The following RBFOX2 variants were observed in gnomAD, a reference collection of about 807,000 sequenced individuals.
The protein encoded by RBFOX2 is RNA binding protein fox-1 homolog 2.
In RBFOX2, 10 loss-of-function variants were observed where a neutral mutation model predicts 49.1. The observed-to-expected ratio is 0.20, with a 90% CI of 0.13 to 0.35. RBFOX2 has a LOEUF of 0.35. Among genes scored for constraint, RBFOX2 ranks in the 10% least tolerant of loss-of-function variants. The probability of loss-of-function intolerance (pLI) is 1.00; values close to 1 mark genes in which losing one functional copy is unlikely to be tolerated. For synonymous variants in RBFOX2, 183 were observed against 187.4 expected (o/e 0.98, Z 0.19); for missense variants, 323 against 486.9 (o/e 0.66, Z 3.17).
chr22:36,028,196 C>G (rs1176640528), intron 1 of RBFOX2, 44 bp downstream of exon 1: 6 of 1,429,444 alleles, frequency 4.2e-6, no homozygotes, highest in Non-Finnish European at 5.5e-6. Context: ...TCGACCCTCA[C>G]GCCCACCCCC....
intron 1 of RBFOX2, among the ~76,000 whole-genome samples, chr22:35,874,991 A>G (rs1336655563): frequency 6.6e-6 from 1 of 152,196 alleles, no homozygotes; most frequent in Admixed American, 6.5e-5. Flanking sequence ...AAGAGACACC[A>G]GAGAGCTTGC....
At chr22:36,003,181 C>T (rs922903663) in intron 1 of RBFOX2, among the ~76,000 whole-genome samples, 1 of 152,190 alleles carries the variant, frequency 6.6e-6, no homozygotes, top group Non-Finnish European at 1.5e-5. Context: ...CTTTCACATC[C>T]TGATATTAAC....
At chr22:35,835,270 G>A (rs1957450354) in intron 1 of RBFOX2, among the ~76,000 whole-genome samples, 1 of 152,172 alleles carries the variant, frequency 6.6e-6, no homozygotes, top group African/African-American at 2.4e-5. Flanking sequence ...ATCCCGGAGA[G>A]GAATGGTATA....
chr22:35,835,226 C>T (rs896198113), intron 1 of RBFOX2, among the ~76,000 whole-genome samples: 11 of 151,998 alleles, frequency 7.2e-5, no homozygotes, highest in African/African-American at 2.4e-4. Flanking sequence ...ATTATGACTT[C>T]GGAAGGGAAC....
intron 1 of RBFOX2, 82 bp from the exon 3 acceptor site, chr22:35,810,086 T>C: frequency 7.4e-7 from 1 of 1,358,256 alleles, no homozygotes; most frequent in Non-Finnish European, 1.0e-6. Context: ...TATGGAATTC[T>C]CTGAATATTC....
chr22:36,001,753 T>A (rs1229330177), intron 1 of RBFOX2, among the ~76,000 whole-genome samples: 1 of 151,068 alleles, frequency 6.6e-6, no homozygotes, highest in Non-Finnish European at 1.5e-5. Flanking sequence ...CAGGGCAAGA[T>A]CCTGTCTTAA....
chr22:35,867,461 A>G (rs561236814), intron 1 of RBFOX2, among the ~76,000 whole-genome samples: 1 of 152,334 alleles, frequency 6.6e-6, no homozygotes, highest in East Asian at 1.9e-4. Context: ...TTACCAAATC[A>G]TTGTATGGGC....
intron 2 of RBFOX2, among the ~76,000 whole-genome samples, chr22:35,803,180 ATGCCCAT>A (rs1950092149): frequency 6.6e-6 from 1 of 151,720 alleles, no homozygotes; most frequent in Non-Finnish European, 1.5e-5. Context: ...ACACACACAC[ATGCCCAT>A]CACAGAAAAA....
At chr22:35,856,882 A>C (rs1438800668) in intron 1 of RBFOX2, among the ~76,000 whole-genome samples, 1 of 152,112 alleles carries the variant, frequency 6.6e-6, no homozygotes, top group Admixed American at 6.5e-5. Flanking sequence ...AATACAAAAA[A>C]TTAGCCAGGC....
chr22:35,744,828 G>C (rs5750174), intron 11 of RBFOX2, among the ~76,000 whole-genome samples: 9,268 of 152,234 alleles, frequency 0.061, 352 homozygotes, highest in South Asian at 0.091. Flanking sequence ...TACATATCTA[G>C]CTGGGGTTTT....
At chr22:35,771,663 C>T (rs1942706652) in intron 4 of RBFOX2, among the ~76,000 whole-genome samples, 1 of 152,162 alleles carries the variant, frequency 6.6e-6, no homozygotes, top group African/African-American at 2.4e-5. Flanking sequence ...ACTTTTCTCT[C>T]ATGTTTAAAC....
exon 12 of RBFOX2, chr22:35,741,037 T>C (rs1479058110): frequency 1.3e-5 from 2 of 152,238 alleles, no homozygotes; most frequent in Non-Finnish European, 2.9e-5. Context: ...TTGGCTCAAT[T>C]CAGACTGTGG....
At chr22:36,027,512 TA>T (rs1176967611) in intron 1 of RBFOX2, among the ~76,000 whole-genome samples, 2 of 152,274 alleles carry the variant, frequency 1.3e-5, no homozygotes, top group African/African-American at 4.8e-5. Context: ...AATAGCCCTA[TA>T]AAAAAATTTT....
exon 12 of RBFOX2, chr22:35,743,770 C>A (rs1931071212): frequency 6.5e-6 from 1 of 154,456 alleles, no homozygotes; most frequent in African/African-American, 2.4e-5. Flanking sequence ...TTCTGCTTGT[C>A]CCCCAGTCAT....
intron 2 of RBFOX2, among the ~76,000 whole-genome samples, chr22:35,793,271 G>A (rs1019396881): frequency 2.0e-5 from 3 of 152,206 alleles, no homozygotes; most frequent in African/African-American, 7.2e-5. Context: ...CTACTTGGAG[G>A]CTGAGGCAGG....
In RBFOX2 at chr22:35,767,157, C is replaced by A. The variant is rs1340745860; in HGVS notation, c.546+1100G>T. On this transcript the variant is annotated intron_variant, in intron 5 of 11. Coordinates refer to ENST00000405409, the Ensembl canonical transcript of RBFOX2. ...AAGTCAGTAATCAAACAGCTCAGACCGCTACAAAACAATATGTACATCCAA... is the reference window on the plus strand; with the variant it reads ...AAGTCAGTAATCAAACAGCTCAGACAGCTACAAAACAATATGTACATCCAA... Among the ~76,000 whole-genome samples, 3 of 151,910 alleles carry A rather than the reference C, an allele frequency of 2.0e-5. No individual in the cohort carries two copies. In the East Asian group the frequency reaches 5.8e-4, roughly 29 times the overall value.
rs187036477 is a variant in RBFOX2, at chr22:35,886,426, T to C, written c.-34+52421A>G. Among the ~76,000 whole-genome samples the C allele has an allele frequency of 2.0e-5, 3 of 152,350 alleles. No homozygotes were observed. In the East Asian group the frequency reaches 5.8e-4, roughly 29 times the overall value. Reference sequence around the variant, plus strand: ...TGGATTACAACTTTTAAAAGCAATATAGTCATGTGCTGCTTAATGCCAGGC... The same window carrying C: ...TGGATTACAACTTTTAAAAGCAATACAGTCATGTGCTGCTTAATGCCAGGC... On this transcript the variant is annotated intron_variant, in intron 1 of 13. Coordinates refer to the RBFOX2 transcript ENST00000359369.
chr22:35,854,513 A>G (rs1312676489), intron 1 of RBFOX2, among the ~76,000 whole-genome samples: 1 of 152,032 alleles, frequency 6.6e-6, no homozygotes, highest in Non-Finnish European at 1.5e-5. Flanking sequence ...AGAATCACAT[A>G]AACCCAGGAG....
At chr22:35,744,373 G>A (rs762590817) in intron 11 of RBFOX2, 124 bp from the exon 14 acceptor site, 475 of 885,622 alleles carry the variant, frequency 5.4e-4, no homozygotes, top group Admixed American at 8.0e-4. Flanking sequence ...AACTGATCAA[G>A]CATTGCCTTG....
Sources: gnomAD v4.1 joint callset for allele counts (sites outside exome capture counted in the v4.1 genomes callset) on GRCh38, gnomAD v4.1.1 for gene constraint, MANE v1.5 for transcripts, NCBI Gene and HGNC (gene_info 2026-07-23, HGNC 2026-07-21) for gene names.